Variants in SPAG5 observed in about 807,000 individuals in gnomAD.
The protein encoded by SPAG5 is sperm associated antigen 5.
Under a neutral mutation model 145.4 loss-of-function variants are expected in SPAG5, and 99 were observed. That is an observed-to-expected ratio of 0.68 (90% CI 0.58 to 0.80). SPAG5 has a LOEUF of 0.80. SPAG5 is among the 30% of genes least tolerant of loss of function. SPAG5 has a pLI of 0.00. For synonymous variants in SPAG5, 477 were observed against 525.4 expected (o/e 0.91, Z 1.26); for missense variants, 1,192 against 1,416.0 (o/e 0.84, Z 2.54).
chr17:28,581,891 C>T (rs904321443), intron 15 of SPAG5, among the ~76,000 whole-genome samples: 1 of 152,180 alleles, frequency 6.6e-6, no homozygotes, highest in African/African-American at 2.4e-5. Flanking sequence ...AGAGCTGACC[C>T]GGAGGTGTCA....
intron 2 of SPAG5, among the ~76,000 whole-genome samples, chr17:28,594,520 G>A (rs142468247): frequency 1.4e-3 from 216 of 152,104 alleles, no homozygotes; most frequent in African/African-American, 4.6e-3. Flanking sequence ...GCGTGAACCC[G>A]GGAGGTGGAG....
In SPAG5 at chr17:28,583,563, G is replaced by A. The variant is rs747000373; in HGVS notation, c.2633C>T (p.Thr878Ile). Residue 878 changes from threonine (T) to isoleucine (I), a missense_variant, in exon 15 of 24, where the codon ACT (threonine) becomes ATT (isoleucine). By Grantham distance (89) the Thr-to-Ile change is moderately conservative. Coordinates refer to ENST00000321765, the MANE Select transcript of SPAG5 (RefSeq NM_006461.4). ...RQYSQKLGLL[T>I]EQLQSLTLFL... ...GAGAGTCAGGCTCTGTAGTTGCTCA[G>A]TCAGCAGCCCTAGCTTTTGAGAGTA... 6.2e-6 allele frequency: 10 copies of A among 1,613,650 alleles called. No individual in the cohort carries two copies. Among genetic ancestry groups the A allele is most frequent in the Non-Finnish European group, 7.6e-6 (9 of 1,179,850 alleles).
At position 28,578,428 on chromosome 17, in the gene SPAG5, T is replaced by G; in HGVS notation, c.3299A>C (p.Asn1100Thr). The change falls in exon 21 of 24, where the codon AAC becomes ACC. Residue 1100 changes from asparagine (N) to threonine (T), a missense_variant. Around this residue, in one of 5 missense-constraint regions of SPAG5, gnomAD observed 709 missense variants for 840.7 expected, o/e 0.84. Coordinates refer to ENST00000321765, the MANE Select transcript of SPAG5 (RefSeq NM_006461.4). The part of the protein sequence containing the change: ...QEALAGQLDS[N>T]CQPMATNWIQ... ...CCAATTGGTGGCCATAGGCTGGCAG[T>G]TGGAGTCCAGCTGGCCTGCCAGGGC... The G allele has an allele frequency of 6.2e-7, 1 of 1,614,164 alleles. No homozygotes were observed. Among genetic ancestry groups the G allele is most frequent in the African/African-American group, 1.3e-5 (1 of 75,050 alleles).
Position 28,592,502 on chromosome 17 carries a change from G to A in SPAG5, c.742C>T (p.Leu248Phe). The A allele has an allele frequency of 6.2e-7, 1 of 1,614,046 alleles. No individual in the cohort carries two copies. Among genetic ancestry groups the A allele is most frequent in the East Asian group, 2.2e-5 (1 of 44,884 alleles). ...GCTGCCAAGGCAGTTGAAGGGGAAAGCCAGAGAACAGAGGAAGGCAAGAAG... is the reference window on the plus strand; with the variant it reads ...GCTGCCAAGGCAGTTGAAGGGGAAAACCAGAGAACAGAGGAAGGCAAGAAG... ...NAFLPSSVLW[L>F]SPSTALAADF... is the part of the protein sequence containing the mutation. Residue 248 changes from leucine (L) to phenylalanine (F), a missense_variant, in exon 3 of 24, where the codon CTT becomes TTT. Physicochemically the swap from Leu to Phe is conservative, Grantham distance 22 (BLOSUM62 0). Transcript: ENST00000321765.
chr17:28,579,111 C>T (rs745462926), intron 19 of SPAG5, 30 bp downstream of exon 19: 1 of 1,572,008 alleles, frequency 6.4e-7, no homozygotes, highest in Non-Finnish European at 8.7e-7. Flanking sequence ...CCCAGTTCTT[C>T]ATCGCCCCAC....
intron 2 of SPAG5, among the ~76,000 whole-genome samples, chr17:28,593,764 C>G (rs960222390): frequency 6.6e-6 from 1 of 151,774 alleles, no homozygotes. Flanking sequence ...TAGACCCTAA[C>G]AAAACAGAGC....
At chr17:28,579,631 T>TAA in intron 17 of SPAG5, 120 bp downstream of exon 17, 2 of 1,387,790 alleles carry the variant, frequency 1.4e-6, no homozygotes, top group Non-Finnish European at 2.0e-6. Context: ...AAGGCAGAAA[T>TAA]AAAATGAGCC....
intron 2 of SPAG5, 166 bp downstream of exon 2, chr17:28,598,344 A>G (rs568612378): frequency 2.6e-5 from 19 of 744,118 alleles, no homozygotes; most frequent in Admixed American, 3.5e-5. Flanking sequence ...ATTTCCTTTA[A>G]CCACCCTAGG....
chr17:28,594,589 C>G (rs1010555463), intron 2 of SPAG5, among the ~76,000 whole-genome samples: 1 of 151,040 alleles, frequency 6.6e-6, no homozygotes, highest in African/African-American at 2.4e-5. Flanking sequence ...AGCGAGACTC[C>G]GTCTCAAAAA....
rs1360047788 is a variant in SPAG5, at chr17:28,591,808, C to G, written c.1327G>C (p.Val443Leu). The G allele has an allele frequency of 1.9e-6, 3 of 1,613,952 alleles. No individual in the cohort carries two copies. The highest frequency in any genetic ancestry group is 2.5e-6 in the Non-Finnish European group (3 of 1,180,034). The change falls in exon 4 of 24, where the codon GTC becomes CTC. Residue 443 changes from valine (V) to leucine (L), a missense_variant. Transcript: ENST00000321765. ...DLEDNLLSSL[V>L]ILEVLSRQLR... is the part of the protein sequence containing the mutation. ...TGGCGGGAGAGAACCTCCAGAATGA[C>G]AAGAGAGCTCAGCAGGTTATCTTCC...
chr17:28,579,552 C>T (rs1382549691), intron 17 of SPAG5, 67 bp from the exon 18 acceptor site: 2 of 1,554,936 alleles, frequency 1.3e-6, no homozygotes, highest in Non-Finnish European at 1.8e-6. Context: ...GTATAGCCAT[C>T]ATTTCCACAA....
rs1440946164 is a variant in SPAG5, at chr17:28,585,880, A to G, written c.1724T>C (p.Leu575Pro). ...EEARHREEMA[L>P]RGKDAAEIVL... Reference sequence around the variant, plus strand: ...TCACCTTACCGCATCCTTGCCTCTGAGAGCCATTTCCTCTCTGTGCCTTGC... The same window carrying G: ...TCACCTTACCGCATCCTTGCCTCTGGGAGCCATTTCCTCTCTGTGCCTTGC... Residue 575 changes from leucine to proline, a missense_variant, in exon 7 of 24, where the codon CTC becomes CCC. Physicochemically the swap from Leu to Pro is moderately conservative, Grantham distance 98. Around this residue, in one of 5 missense-constraint regions of SPAG5, gnomAD observed 709 missense variants for 840.7 expected, o/e 0.84. Coordinates refer to ENST00000321765, the MANE Select transcript of SPAG5 (RefSeq NM_006461.4). 6.2e-7 allele frequency: 1 copy of G among 1,614,084 alleles called. No homozygotes were observed. The highest frequency in any genetic ancestry group is 8.5e-7 in the Non-Finnish European group (1 of 1,180,048).
At chr17:28,595,441 T>G (rs931123568) in intron 2 of SPAG5, among the ~76,000 whole-genome samples, 1 of 152,044 alleles carries the variant, frequency 6.6e-6, no homozygotes, top group Non-Finnish European at 1.5e-5. Flanking sequence ...TTAATATCTA[T>G]TAATAATCAA....
chr17:28,580,224 T>A (rs1450229940), intron 15 of SPAG5, 104 bp from the exon 16 acceptor site: 1 of 632,756 alleles, frequency 1.6e-6, no homozygotes, highest in Admixed American at 3.0e-5. Context: ...CCACCTATTA[T>A]CTCAATTCTC....
intron 4 of SPAG5, among the ~76,000 whole-genome samples, chr17:28,587,509 C>T (rs765449602): frequency 6.7e-6 from 1 of 150,336 alleles, no homozygotes; most frequent in African/African-American, 2.5e-5. Flanking sequence ...TACGCCACTG[C>T]ACCCCAGCCT....
rs755766747 is a variant in SPAG5, at chr17:28,598,973, G to A, written c.-27C>T. 2.5e-6 allele frequency: 4 copies of A among 1,611,410 alleles called. No homozygotes were observed. Among genetic ancestry groups the A allele is most frequent in the Non-Finnish European group, 3.4e-6 (4 of 1,177,778 alleles). On this transcript the variant is annotated 5_prime_UTR_variant, in exon 1 of 24. The change creates a new upstream start codon in the 5' untranslated region. Coordinates refer to ENST00000321765, the MANE Select transcript of SPAG5 (RefSeq NM_006461.4). The stretch of plus-strand genomic sequence containing the variant: ...TTCAACCAGAAGGCAGGCCTATCAC[G>A]TCTCAGACCAAGTCGAGGACGCCAT...
intron 1 of SPAG5, 68 bp downstream of exon 1, chr17:28,598,828 T>C: frequency 6.3e-7 from 1 of 1,580,208 alleles, no homozygotes; most frequent in Non-Finnish European, 8.7e-7. Flanking sequence ...TCCAGGACAG[T>C]AGACACGGCC....
intron 4 of SPAG5, among the ~76,000 whole-genome samples, chr17:28,590,053 T>C (rs2070610129): frequency 6.6e-6 from 1 of 152,262 alleles, no homozygotes; most frequent in African/African-American, 2.4e-5. Context: ...GATAGAGAAA[T>C]CTTTTAATCA....
chr17:28,588,879 A>C (rs1394642957), intron 4 of SPAG5, among the ~76,000 whole-genome samples: 1 of 151,886 alleles, frequency 6.6e-6, no homozygotes, highest in Non-Finnish European at 1.5e-5. Context: ...ATGGGGTTTC[A>C]CTATGTTAGC....
Sources: gnomAD v4.1 joint callset for allele counts (sites outside exome capture counted in the v4.1 genomes callset) on GRCh38, gnomAD v4.1.1 for gene constraint, gnomAD v4.1.1 regional missense constraint, MANE v1.5 for transcripts, NCBI Gene and HGNC (gene_info 2026-07-23, HGNC 2026-07-21) for gene names.